The following TMEM117 variants were observed in gnomAD, a reference collection of about 807,000 sequenced individuals.
TMEM117 encodes transmembrane protein 117.
Under a neutral mutation model 52.4 loss-of-function variants are expected in TMEM117, and 27 were observed. The ratio of observed to expected loss-of-function variants is 0.51; its 90% CI spans 0.38 to 0.71. TMEM117 has a LOEUF of 0.71. TMEM117 is among the 30% of genes least tolerant of loss of function. The probability of loss-of-function intolerance (pLI) is 0.00; values close to 1 mark genes in which losing one functional copy is unlikely to be tolerated. For synonymous variants in TMEM117, 215 were observed against 206.3 expected (o/e 1.04, Z -0.36); for missense variants, 556 against 630.5 (o/e 0.88, Z 1.26).
At chr12:43,910,237 C>G (rs1944472999) in intron 2 of TMEM117, among the ~76,000 whole-genome samples, 1 of 151,798 alleles carries the variant, frequency 6.6e-6, no homozygotes, top group Non-Finnish European at 1.5e-5. Context: ...GAACCAAAGC[C>G]AAAAACCACA....
chr12:43,890,349 G>A (rs1944079632), intron 2 of TMEM117, among the ~76,000 whole-genome samples: 2 of 152,040 alleles, frequency 1.3e-5, no homozygotes, highest in Admixed American at 6.6e-5. Flanking sequence ...GTGAAAATCT[G>A]TCAATAAATC....
intron 2 of TMEM117, among the ~76,000 whole-genome samples, chr12:43,942,104 G>A (rs1425901840): frequency 3.3e-5 from 5 of 152,168 alleles, no homozygotes; most frequent in Non-Finnish European, 7.3e-5. Flanking sequence ...AAGCTGAAAG[G>A]ACTTGCAGCA....
rs192115482 is a variant in TMEM117 at position 43,890,310 on chromosome 12, G to A, written c.277+45382G>A. Among the ~76,000 whole-genome samples, 8 of 152,030 alleles carry A rather than the reference G, an allele frequency of 5.3e-5. No individual in the cohort carries two copies. The East Asian group carries it at 9.7e-4, about 18-fold the overall frequency. On this transcript the variant is annotated intron_variant, in intron 2 of 7. Transcript: ENST00000266534. Reference sequence around the variant, plus strand: ...GCAACTTCTGGGTTAGGTTGACATCGTACTTTGGTCTGGACTGTAAGACCG... The same window carrying A: ...GCAACTTCTGGGTTAGGTTGACATCATACTTTGGTCTGGACTGTAAGACCG...
chr12:44,162,084 C>T (rs543421952), intron 4 of TMEM117, among the ~76,000 whole-genome samples: 3 of 152,092 alleles, frequency 2.0e-5, no homozygotes, highest in East Asian at 3.9e-4. Flanking sequence ...AATGAGATGC[C>T]GTATGGAGCT....
intron 4 of TMEM117, among the ~76,000 whole-genome samples, chr12:44,186,803 C>T (rs1270757861): frequency 1.3e-5 from 2 of 152,034 alleles, no homozygotes; most frequent in East Asian, 3.9e-4. Flanking sequence ...ACCATAATGG[C>T]ACTAAAAAAG....
chr12:44,163,932 A>T (rs1297390947), intron 4 of TMEM117, among the ~76,000 whole-genome samples: 1 of 152,254 alleles, frequency 6.6e-6, no homozygotes, highest in South Asian at 2.1e-4. Context: ...TTCATCTAGC[A>T]TTGAGCCCTA....
At chr12:43,833,560 G>A (rs1484281439), upstream of TMEM117, among the ~76,000 whole-genome samples, 7 of 152,206 alleles carry the variant, frequency 4.6e-5, no homozygotes, top group Admixed American at 3.3e-4. Context: ...TTGGGAGGCC[G>A]AGGCTGAAGG....
At chr12:43,888,970 C>G (rs1944051048) in intron 2 of TMEM117, among the ~76,000 whole-genome samples, 1 of 152,094 alleles carries the variant, frequency 6.6e-6, no homozygotes, top group Non-Finnish European at 1.5e-5. Flanking sequence ...GGTCCCCAAC[C>G]TTTTTGGCAC....
intron 5 of TMEM117, among the ~76,000 whole-genome samples, chr12:44,217,375 T>G (rs907558374): frequency 6.6e-6 from 1 of 152,174 alleles, no homozygotes; most frequent in African/African-American, 2.4e-5. Context: ...AGCAGTCTCT[T>G]TCTGGGATTA....
chr12:43,996,512 G>A (rs1027571155), intron 3 of TMEM117, among the ~76,000 whole-genome samples: 9 of 151,898 alleles, frequency 5.9e-5, no homozygotes, highest in African/African-American at 1.5e-4. Flanking sequence ...GCGTGGTGGC[G>A]GGCGCCTGTA....
intron 4 of TMEM117, among the ~76,000 whole-genome samples, chr12:44,147,236 A>G (rs563575844): frequency 3.1e-4 from 47 of 152,326 alleles, no homozygotes; most frequent in African/African-American, 1.1e-3. Context: ...AGCTGTAAAT[A>G]AAACAACATG....
upstream of TMEM117, among the ~76,000 whole-genome samples, chr12:43,832,832 A>T (rs1942990482): frequency 6.6e-6 from 1 of 152,222 alleles, no homozygotes; most frequent in Admixed American, 6.5e-5. Context: ...GTAAATGTAG[A>T]GAGGGATACT....
chr12:43,958,946 G>A (rs940129386), intron 3 of TMEM117, among the ~76,000 whole-genome samples: 34 of 151,910 alleles, frequency 2.2e-4, no homozygotes, highest in Non-Finnish European at 4.0e-4. Flanking sequence ...AGCTGGGACT[G>A]CAGGCGCCCA....
intron 2 of TMEM117, among the ~76,000 whole-genome samples, chr12:43,928,150 A>G (rs932022647): frequency 7.9e-5 from 12 of 152,080 alleles, no homozygotes; most frequent in African/African-American, 2.9e-4. Flanking sequence ...GCTGATCAAT[A>G]TCTTAATCAC....
chr12:43,952,783 A>G (rs1329729080), intron 3 of TMEM117, among the ~76,000 whole-genome samples: 1 of 152,168 alleles, frequency 6.6e-6, no homozygotes. Context: ...AAATTCAGGA[A>G]ATCCAGAGAA....
chr12:44,036,913 A>G (rs1280433113), intron 3 of TMEM117, among the ~76,000 whole-genome samples: 20 of 152,272 alleles, frequency 1.3e-4, no homozygotes, highest in Middle Eastern at 3.4e-3. Context: ...TCATGGTTTT[A>G]ATTTTAATTT....
chr12:43,984,445 G>A (rs1213071120), intron 3 of TMEM117, among the ~76,000 whole-genome samples: 1 of 152,122 alleles, frequency 6.6e-6, no homozygotes, highest in African/African-American at 2.4e-5. Flanking sequence ...TTAGCTGAAA[G>A]GTGTACCATG....
chr12:44,079,332 G>A (rs917660484), intron 3 of TMEM117, among the ~76,000 whole-genome samples: 6 of 152,136 alleles, frequency 3.9e-5, no homozygotes, highest in African/African-American at 1.2e-4. Context: ...CCCACCAACA[G>A]TATAAAAGCA....
chr12:44,323,238 C>T (rs922776196), intron 6 of TMEM117, among the ~76,000 whole-genome samples: 2 of 152,194 alleles, frequency 1.3e-5, no homozygotes, highest in African/African-American at 4.8e-5. Flanking sequence ...CTTTTGTCCT[C>T]TAGATCTTTA....
Sources: gnomAD v4.1 joint callset for allele counts (sites outside exome capture counted in the v4.1 genomes callset) on GRCh38, gnomAD v4.1.1 for gene constraint, MANE v1.5 for transcripts, NCBI Gene and HGNC (gene_info 2026-07-23, HGNC 2026-07-21) for gene names.